PDE3A: variants seen among roughly 807,000 people sequenced by gnomAD.
PDE3A encodes cGMP-inhibited 3',5'-cyclic phosphodiesterase 3A.
PDE3A carries 43 observed loss-of-function variants against 98.3 expected under a neutral mutation model. The ratio of observed to expected loss-of-function variants is 0.44; its 90% confidence interval spans 0.34 to 0.56. PDE3A has a LOEUF of 0.56. Among genes scored for constraint, PDE3A ranks in the 20% least tolerant of loss-of-function variants. The pLI, the probability that PDE3A is intolerant of heterozygous loss-of-function variation, is 0.01. For synonymous variants in PDE3A, 663 were observed against 567.9 expected (o/e 1.17, Z -2.38); for missense variants, 1,427 against 1,440.7 (o/e 0.99, Z 0.15).
At chr12:20,670,307 A>G (rs1401963990) in intron 15 of PDE3A, among the ~76,000 whole-genome samples, 1 of 147,744 alleles carries the variant, frequency 6.8e-6, no homozygotes, top group Non-Finnish European at 1.5e-5. Flanking sequence ...AAAGTCAACA[A>G]GGATACCCAG....
chr12:20,588,692 A>G (rs1338722090), intron 2 of PDE3A, among the ~76,000 whole-genome samples: 1 of 152,102 alleles, frequency 6.6e-6, no homozygotes, highest in African/African-American at 2.4e-5. Flanking sequence ...GCCCCTCCTC[A>G]ATATGGGGGA....
At chr12:20,626,228 T>C (rs1441933377) in intron 5 of PDE3A, among the ~76,000 whole-genome samples, 1 of 147,668 alleles carries the variant, frequency 6.8e-6, no homozygotes, top group Admixed American at 6.6e-5. Context: ...ATCCTTTCTA[T>C]AAAGAAAATT....
intron 1 of PDE3A, among the ~76,000 whole-genome samples, chr12:20,443,586 CTT>C (rs1170420278): frequency 6.6e-6 from 1 of 152,070 alleles, no homozygotes; most frequent in South Asian, 2.1e-4. Flanking sequence ...AAGACTAACT[CTT>C]TTCGTTTGCT....
intron 1 of PDE3A, among the ~76,000 whole-genome samples, chr12:20,485,719 C>CATTTACTTACCTTTTTGT (rs1395903247): frequency 6.6e-6 from 1 of 152,168 alleles, no homozygotes; most frequent in African/African-American, 2.4e-5. Flanking sequence ...AACCTTCTGA[C>CATTTACTTACCTTTTTGT]ATTTACTTAC....
At chr12:20,449,771 G>A (rs965405646) in intron 1 of PDE3A, 8 of 496,920 alleles carry the variant, frequency 1.6e-5, no homozygotes, top group Admixed American at 1.1e-4. Flanking sequence ...ATTCACCAGT[G>A]CTGTGAGGGA....
chr12:20,468,518 G>C (rs1419078556), intron 1 of PDE3A, among the ~76,000 whole-genome samples: 1 of 152,150 alleles, frequency 6.6e-6, no homozygotes, highest in African/African-American at 2.4e-5. Flanking sequence ...GCTAATCATG[G>C]TTATATAAAC....
chr12:20,547,228 A>G, intron 1 of PDE3A, among the ~76,000 whole-genome samples: 1 of 151,954 alleles, frequency 6.6e-6, no homozygotes, highest in East Asian at 1.9e-4. Flanking sequence ...AGCCCCTACC[A>G]TCCATTACCC....
At chr12:20,381,813 A>G (rs751745195) in intron 1 of PDE3A, among the ~76,000 whole-genome samples, 1 of 151,888 alleles carries the variant, frequency 6.6e-6, no homozygotes, top group Non-Finnish European at 1.5e-5. Context: ...TCTATTTTAC[A>G]TTGAATATTT....
At chr12:20,464,296 T>A (rs181382099) in intron 1 of PDE3A, among the ~76,000 whole-genome samples, 1 of 152,300 alleles carries the variant, frequency 6.6e-6, no homozygotes, top group East Asian at 1.9e-4. Flanking sequence ...TTTCAATAGA[T>A]CCACAAATTT....
intron 6 of PDE3A, among the ~76,000 whole-genome samples, chr12:20,632,197 T>G (rs1013015847): frequency 6.6e-6 from 1 of 152,224 alleles, no homozygotes; most frequent in Non-Finnish European, 1.5e-5. Context: ...TATCATTTTC[T>G]TTTTATTCTC....
chr12:20,487,079 A>T (rs532560179), intron 1 of PDE3A, among the ~76,000 whole-genome samples: 1 of 152,330 alleles, frequency 6.6e-6, no homozygotes, highest in East Asian at 1.9e-4. Context: ...AACAAATTTT[A>T]AAAAATAAAG....
chr12:20,421,107 A>T (rs1944504971), intron 1 of PDE3A, among the ~76,000 whole-genome samples: 1 of 152,168 alleles, frequency 6.6e-6, no homozygotes, highest in Admixed American at 6.5e-5. Flanking sequence ...GACAAATAGG[A>T]TAGTTATATT....
intron 1 of PDE3A, among the ~76,000 whole-genome samples, chr12:20,480,223 G>T (rs377704127): frequency 6.6e-6 from 1 of 152,154 alleles, no homozygotes; most frequent in Non-Finnish European, 1.5e-5. Flanking sequence ...GAGGGATTTG[G>T]CAGTTAGTGT....
At chr12:20,382,809 A>G (rs1187077588) in intron 1 of PDE3A, among the ~76,000 whole-genome samples, 1 of 152,030 alleles carries the variant, frequency 6.6e-6, no homozygotes, top group African/African-American at 2.4e-5. Flanking sequence ...CTGAACATGA[A>G]TAATACATAT....
intron 10 of PDE3A, among the ~76,000 whole-genome samples, chr12:20,643,952 G>C (rs989952681): frequency 5.3e-5 from 8 of 152,076 alleles, no homozygotes; most frequent in African/African-American, 1.9e-4. Context: ...TGGAATAGAT[G>C]TTATCAATTC....
chr12:20,597,764 A>G (rs1943500656), intron 2 of PDE3A, among the ~76,000 whole-genome samples: 1 of 152,148 alleles, frequency 6.6e-6, no homozygotes, highest in Non-Finnish European at 1.5e-5. Flanking sequence ...CTAGACTGCA[A>G]GCTACCTAAA....
intron 1 of PDE3A, among the ~76,000 whole-genome samples, chr12:20,411,518 C>CTT (rs11336130): frequency 1.6e-4 from 24 of 151,262 alleles, no homozygotes; most frequent in Non-Finnish European, 1.6e-4. Context: ...GCTACTTACT[C>CTT]TTTTTTTTTT....
intron 1 of PDE3A, chr12:20,551,657 A>G (rs1049763300): frequency 4.4e-6 from 7 of 1,598,796 alleles, no homozygotes; most frequent in Non-Finnish European, 6.0e-6. Flanking sequence ...TTCCACATCT[A>G]CTGCCTGGAC....
chr12:20,534,626 C>T (rs889174343), intron 1 of PDE3A, among the ~76,000 whole-genome samples: 2 of 152,176 alleles, frequency 1.3e-5, no homozygotes, highest in South Asian at 4.1e-4. Context: ...TTGGCAACCA[C>T]TCTAGACCTT....
Sources: gnomAD v4.1 joint callset for allele counts (sites outside exome capture counted in the v4.1 genomes callset) on GRCh38, gnomAD v4.1.1 for gene constraint, MANE v1.5 for transcripts, NCBI Gene and HGNC (gene_info 2026-07-23, HGNC 2026-07-21) for gene names.